GPR158: variants seen among roughly 807,000 people sequenced by gnomAD.
GPR158 encodes G protein-coupled receptor 158, also known as metabotropic glycine receptor.
Under a neutral mutation model 78.2 loss-of-function variants are expected in GPR158, and 30 were observed. The observed-to-expected ratio is 0.38, with a 90% CI of 0.29 to 0.52. GPR158 has a LOEUF of 0.52. Among genes scored for constraint, GPR158 ranks in the 20% least tolerant of loss-of-function variants. The pLI is 0.83. For synonymous variants in GPR158, 581 were observed against 591.1 expected (o/e 0.98, Z 0.25); for missense variants, 1,463 against 1,523.5 (o/e 0.96, Z 0.66).
At chr10:25,264,888 T>C (rs1854022297) in intron 2 of GPR158, among the ~76,000 whole-genome samples, 1 of 152,188 alleles carries the variant, frequency 6.6e-6, no homozygotes, top group Non-Finnish European at 1.5e-5. Context: ...CTCTGCGAAC[T>C]ATTTTTAATA....
chr10:25,479,950 A>G (rs978276640), intron 5 of GPR158, among the ~76,000 whole-genome samples: 6 of 151,756 alleles, frequency 4.0e-5, no homozygotes, highest in Admixed American at 1.3e-4. Context: ...CTTTACAGCA[A>G]TTTCAGTTAT....
chr10:25,355,958 T>G (rs1481386455), intron 2 of GPR158, among the ~76,000 whole-genome samples: 1 of 151,998 alleles, frequency 6.6e-6, no homozygotes, highest in African/African-American at 2.4e-5. Flanking sequence ...GTATGGTGGT[T>G]TCACCTCCCC....
intron 4 of GPR158, among the ~76,000 whole-genome samples, chr10:25,433,700 T>C: frequency 6.9e-6 from 1 of 143,894 alleles, no homozygotes; most frequent in Non-Finnish European, 1.5e-5. Flanking sequence ...CTTTCTTTTT[T>C]TTTTTTTTTT....
intron 1 of GPR158, among the ~76,000 whole-genome samples, chr10:25,209,690 G>T (rs1457180476): frequency 5.9e-5 from 9 of 151,936 alleles, no homozygotes. Flanking sequence ...CTGGTTTCTG[G>T]TGTCTTGACC....
At chr10:25,288,786 A>G (rs1277247742) in intron 2 of GPR158, among the ~76,000 whole-genome samples, 1 of 152,190 alleles carries the variant, frequency 6.6e-6, no homozygotes, top group Non-Finnish European at 1.5e-5. Flanking sequence ...TGTAGAAGCC[A>G]TTTGTTCTGC....
At chr10:25,317,538 T>G (rs1854872133) in intron 2 of GPR158, among the ~76,000 whole-genome samples, 1 of 152,062 alleles carries the variant, frequency 6.6e-6, no homozygotes, top group Non-Finnish European at 1.5e-5. Context: ...CCTTCCTGAT[T>G]AGTTTTCTTC....
chr10:25,503,714 G>C (rs1298913137), intron 5 of GPR158, among the ~76,000 whole-genome samples: 4 of 152,056 alleles, frequency 2.6e-5, no homozygotes, highest in African/African-American at 9.7e-5. Context: ...CCAAGTTCTT[G>C]TCCTGGCTAT....
chr10:25,227,047 T>C (rs969729832), intron 2 of GPR158, among the ~76,000 whole-genome samples: 1 of 152,216 alleles, frequency 6.6e-6, no homozygotes, highest in African/African-American at 2.4e-5. Context: ...TTTGATTTTG[T>C]TACAGTCTTT....
intron 2 of GPR158, among the ~76,000 whole-genome samples, chr10:25,328,744 T>C (rs1855071295): frequency 6.6e-6 from 1 of 151,728 alleles, no homozygotes; most frequent in African/African-American, 2.4e-5. Context: ...CTGGTCAACA[T>C]GATGAAACCC....
chr10:25,421,130 T>C (rs1111870), intron 4 of GPR158, among the ~76,000 whole-genome samples: 105,808 of 151,516 alleles, frequency 0.7, 37,936 homozygotes, highest in Non-Finnish European at 0.8. Flanking sequence ...TCTTTCATTT[T>C]GCTTAGTAAT....
intron 6 of GPR158, among the ~76,000 whole-genome samples, chr10:25,558,627 T>C (rs1488651098): frequency 6.6e-6 from 1 of 152,204 alleles, no homozygotes; most frequent in African/African-American, 2.4e-5. Context: ...GAGGCCCACC[T>C]GGCTGCCGCT....
At chr10:25,551,501 C>T (rs1836724916) in intron 6 of GPR158, among the ~76,000 whole-genome samples, 2 of 152,264 alleles carry the variant, frequency 1.3e-5, no homozygotes, top group African/African-American at 4.8e-5. Flanking sequence ...TTCCATACCC[C>T]AAGGTAATCC....
At chr10:25,327,039 G>T (rs1055461915) in intron 2 of GPR158, among the ~76,000 whole-genome samples, 1 of 152,070 alleles carries the variant, frequency 6.6e-6, no homozygotes, top group Non-Finnish European at 1.5e-5. Context: ...AATTTACAGT[G>T]GGTTGATCAG....
chr10:25,222,680 T>C (rs1358658475), intron 2 of GPR158, among the ~76,000 whole-genome samples: 1 of 152,184 alleles, frequency 6.6e-6, no homozygotes, highest in Non-Finnish European at 1.5e-5. Context: ...GTGCCAAATG[T>C]CTAGAGCAAT....
chr10:25,207,305 C>A (rs1853055684), intron 1 of GPR158, among the ~76,000 whole-genome samples: 1 of 152,166 alleles, frequency 6.6e-6, no homozygotes, highest in Non-Finnish European at 1.5e-5. Flanking sequence ...TTCATTGGTG[C>A]TTCTGGACAG....
chr10:25,580,056 G>A (rs1048509793), intron 7 of GPR158, among the ~76,000 whole-genome samples: 1 of 152,142 alleles, frequency 6.6e-6, no homozygotes, highest in Non-Finnish European at 1.5e-5. Context: ...GGAGTCTCAT[G>A]GTTCTGGAAA....
intron 2 of GPR158, among the ~76,000 whole-genome samples, chr10:25,392,190 C>T (rs921326945): frequency 2.0e-5 from 3 of 152,168 alleles, no homozygotes; most frequent in South Asian, 4.1e-4. Flanking sequence ...GCCATCGAAG[C>T]TGCTTATGGT....
chr10:25,338,670 A>G (rs1855261654), intron 2 of GPR158, among the ~76,000 whole-genome samples: 1 of 139,490 alleles, frequency 7.2e-6, no homozygotes, highest in Non-Finnish European at 1.6e-5. Context: ...CCTTGTATCA[A>G]TACATCACAG....
chr10:25,385,670 G>T (rs1219906104), intron 2 of GPR158, among the ~76,000 whole-genome samples: 1 of 152,090 alleles, frequency 6.6e-6, no homozygotes, highest in Admixed American at 6.6e-5. Flanking sequence ...ACTAATGGAG[G>T]TGGGATAATA....
Sources: allele counts gnomAD v4.1 joint callset (sites outside exome capture counted in the v4.1 genomes callset), GRCh38; gene constraint gnomAD v4.1.1; transcripts MANE v1.5; gene names NCBI Gene and HGNC (gene_info 2026-07-23, HGNC 2026-07-21).